The following SGO2 variants were observed in gnomAD, a reference collection of about 807,000 sequenced individuals.
The protein encoded by SGO2 is shugoshin 2.
Under a neutral mutation model 99.5 loss-of-function variants are expected in SGO2, and 68 were observed. The observed-to-expected ratio is 0.68, with a 90% confidence interval of 0.56 to 0.84. The LOEUF is 0.84. SGO2 is among the 40% of genes least tolerant of loss of function. The pLI, the probability that SGO2 is intolerant of heterozygous loss-of-function variation, is 0.00. For synonymous variants in SGO2, 457 were observed against 487.1 expected (o/e 0.94, Z 0.81); for missense variants, 1,350 against 1,436.7 (o/e 0.94, Z 0.97).
intron 4 of SGO2, among the ~76,000 whole-genome samples, chr2:200,539,515 T>C (rs1177572709): frequency 6.6e-6 from 1 of 152,160 alleles, no homozygotes; most frequent in Non-Finnish European, 1.5e-5. Context: ...TGCTTTTATT[T>C]TTAATAAGTT....
At chr2:200,537,159 CTGT>C (rs1262245908) in intron 4 of SGO2, among the ~76,000 whole-genome samples, 1 of 151,948 alleles carries the variant, frequency 6.6e-6, no homozygotes, top group Non-Finnish European at 1.5e-5. Context: ...CACTAGGCTC[CTGT>C]TGTTGGACAC....
chr2:200,576,142 G>A (rs751507717), intron 8 of SGO2: 3 of 346,960 alleles, frequency 8.6e-6, no homozygotes, highest in South Asian at 4.4e-5. Context: ...GTATTTTAAA[G>A]CAATAACCAG....
chr2:200,552,874 G>A (rs1194630930), intron 5 of SGO2, among the ~76,000 whole-genome samples: 1 of 152,072 alleles, frequency 6.6e-6, no homozygotes, highest in East Asian at 1.9e-4. Context: ...AGCCCAGAAG[G>A]TCTCAGCCTT....
chr2:200,582,678 A>C (rs1574894228), intron 8 of SGO2, among the ~76,000 whole-genome samples: 1 of 152,268 alleles, frequency 6.6e-6, no homozygotes, highest in Non-Finnish European at 1.5e-5. Context: ...GGAGTTGTCC[A>C]TCTCACACCT....
At position 200,577,928 on chromosome 2, in the gene SGO2, A is replaced by T. The variant is rs551564886; in HGVS notation, c.3782+2467A>T. Among the ~76,000 whole-genome samples, 178 of 152,156 alleles carry T rather than the reference A, an allele frequency of 1.2e-3. 1 individual carries two copies. Among genetic ancestry groups the T allele is most frequent in the African/African-American group, 3.9e-3 (162 of 41,494 alleles). On this transcript the variant is annotated intron_variant, in intron 8 of 8. Coordinates refer to ENST00000357799, the MANE Select transcript of SGO2 (RefSeq NM_152524.6). ...AAGGTGGTGTCTGTTGGGTTTTTTAACTGTGAAGTCACAATCTTTTCCTCT... is the reference window on the plus strand; with the variant it reads ...AAGGTGGTGTCTGTTGGGTTTTTTATCTGTGAAGTCACAATCTTTTCCTCT...
At chr2:200,579,733 A>G (rs908080377) in intron 8 of SGO2, among the ~76,000 whole-genome samples, 5 of 152,154 alleles carry the variant, frequency 3.3e-5, no homozygotes, top group African/African-American at 4.8e-5. Context: ...TATGTTTTTC[A>G]TAATGTGATG....
Position 200,573,663 on chromosome 2 carries a change from A to T in SGO2, c.3317A>T (p.Lys1106Met). 1 of 1,613,374 alleles carries T rather than the reference A, an allele frequency of 6.2e-7. No homozygotes were observed. The highest frequency in any genetic ancestry group is 8.5e-7 in the Non-Finnish European group (1 of 1,179,542). Residue 1106 changes from lysine to methionine, a missense_variant, in exon 7 of 9, where the codon AAG becomes ATG. By Grantham distance (95) the Lys-to-Met change is moderately conservative (BLOSUM62 -1). Coordinates refer to ENST00000357799, the MANE Select transcript of SGO2 (RefSeq NM_152524.6). The stretch of plus-strand genomic sequence containing the variant: ...AGAATACTTGACAGCGTTCAGGGAA[A>T]GTCTACTGTATCTGAACAAGCTGAT... ...MERILDSVQGKSTVSEQADKE... is the reference protein window; with the variant it reads ...MERILDSVQGMSTVSEQADKE...
At position 200,571,110 on chromosome 2, in the gene SGO2, C is replaced by T. The variant is rs775339375; in HGVS notation, c.764C>T (p.Ala255Val). The stretch of plus-strand genomic sequence containing the variant: ...TCTCTAATGAGTGAGATGAGAAACG[C>T]CCAGTCTATTGGCCGCAGATGGGAG... ...KTSLMSEMRN[A>V]QSIGRRWEKP... Residue 255 changes from alanine to valine, a missense_variant, in exon 7 of 9, where the codon GCC becomes GTC. By Grantham distance (64) the Ala-to-Val change is moderately conservative (BLOSUM62 0). Transcript: ENST00000357799. 4 of 1,613,068 alleles carry T rather than the reference C, an allele frequency of 2.5e-6. No individual in the cohort carries two copies. In the Admixed American group the frequency reaches 5.0e-5, roughly 20 times the overall value.
chr2:200,576,370 G>A (rs1166672730), intron 8 of SGO2, among the ~76,000 whole-genome samples: 1 of 152,078 alleles, frequency 6.6e-6, no homozygotes, highest in Non-Finnish European at 1.5e-5. Flanking sequence ...GAGGCCAGGA[G>A]TTCAAGACCA....
intron 8 of SGO2, among the ~76,000 whole-genome samples, chr2:200,576,356 G>A (rs977433105): frequency 6.6e-6 from 1 of 151,720 alleles, no homozygotes; most frequent in Middle Eastern, 3.2e-3. Context: ...CAGGTGGATT[G>A]CATGAGGCCA....
intron 4 of SGO2, among the ~76,000 whole-genome samples, chr2:200,538,289 C>T (rs1449508321): frequency 6.6e-6 from 1 of 152,142 alleles, no homozygotes; most frequent in Non-Finnish European, 1.5e-5. Context: ...GTGCAGTTCT[C>T]TTCCCACTCC....
intron 4 of SGO2, among the ~76,000 whole-genome samples, chr2:200,536,501 A>C (rs1162565294): frequency 1.3e-5 from 2 of 152,086 alleles, no homozygotes; most frequent in Non-Finnish European, 2.9e-5. Context: ...GACACAATTG[A>C]AAAACTGGGG....
chr2:200,541,377 A>G (rs1477946117), intron 4 of SGO2, among the ~76,000 whole-genome samples: 1 of 152,114 alleles, frequency 6.6e-6, no homozygotes, highest in Non-Finnish European at 1.5e-5. Flanking sequence ...GAGCCTGCCA[A>G]AATTATTCAA....
chr2:200,561,262 T>C (rs576381905), intron 5 of SGO2, among the ~76,000 whole-genome samples: 1 of 152,326 alleles, frequency 6.6e-6, no homozygotes, highest in African/African-American at 2.4e-5. Context: ...TTCTCATTGT[T>C]CAATTCCCAC....
chr2:200,572,452 G>A lies in SGO2; in HGVS notation c.2106G>A (p.Gln702=), dbSNP rs561494751. 8.1e-6 allele frequency: 13 copies of A among 1,613,308 alleles called. No homozygotes were observed. The highest frequency in any genetic ancestry group is 1.7e-5 in the Admixed American group (1 of 59,938). ...QKQITNMYPV[Q]QNESKVNKKL... ...AGATCACCAATATGTACCCCGTTCA[G>A]CAAAATGAATCAAAAGTTAATAAGA... The change falls in exon 7 of 9, where the codon CAG becomes CAA. Residue 702 remains glutamine (Q), a synonymous_variant. Coordinates refer to ENST00000357799, the MANE Select transcript of SGO2 (RefSeq NM_152524.6).
intron 1 of SGO2, among the ~76,000 whole-genome samples, chr2:200,530,438 A>C (rs842941): frequency 0.79 from 120,920 of 152,134 alleles, 48,290 homozygotes; most frequent in Non-Finnish European, 0.83. Flanking sequence ...TTTAGTTATT[A>C]AAGTGGAATT....
At chr2:200,551,013 G>A (rs1265386742) in intron 5 of SGO2, among the ~76,000 whole-genome samples, 1 of 151,396 alleles carries the variant, frequency 6.6e-6, no homozygotes. Context: ...AGAAAAAAGG[G>A]GAATCATATA....
At chr2:200,535,226 C>A in intron 3 of SGO2, 55 bp downstream of exon 3, 2 of 1,345,314 alleles carry the variant, frequency 1.5e-6, no homozygotes, top group Non-Finnish European at 2.0e-6. Context: ...CTTTTAGCTG[C>A]ATTATTATAG....
intron 5 of SGO2, among the ~76,000 whole-genome samples, chr2:200,563,138 A>G (rs1445086718): frequency 6.6e-6 from 1 of 152,188 alleles, no homozygotes; most frequent in Admixed American, 6.5e-5. Context: ...GTCTTATGCC[A>G]GTTTTCAAAG....
Sources: allele counts gnomAD v4.1 joint callset (sites outside exome capture counted in the v4.1 genomes callset), GRCh38; gene constraint gnomAD v4.1.1; transcripts MANE v1.5; gene names NCBI Gene and HGNC (gene_info 2026-07-23, HGNC 2026-07-21).